BTBD16: variants seen among roughly 807,000 people sequenced by gnomAD.
BTBD16 encodes BTB/POZ domain-containing protein 16.
A neutral mutation model predicts 67.4 loss-of-function variants in BTBD16; 66 were observed. The ratio of observed to expected loss-of-function variants is 0.98; its 90% CI spans 0.80 to 1.20. The LOEUF (loss-of-function observed/expected upper bound fraction) is 1.20, where lower values mean the gene tolerates loss of function less well. Among genes scored for constraint, BTBD16 ranks in the 50% most tolerant of loss-of-function variants. The pLI, the probability that BTBD16 is intolerant of heterozygous loss-of-function variation, is 0.00. For missense variants in BTBD16, 634 were observed against 616.0 expected (o/e 1.03, Z -0.31); for synonymous variants, 242 against 236.4 (o/e 1.02, Z -0.22).
intron 10 of BTBD16, among the ~76,000 whole-genome samples, chr10:122,324,418 G>A (rs756093680): frequency 5.3e-5 from 8 of 152,230 alleles, no homozygotes; most frequent in Non-Finnish European, 7.3e-5. Context: ...CTATGATGCT[G>A]TGTCCCCAGG....
chr10:122,275,157 C>A lies in BTBD16; in HGVS notation c.18+58C>A. 1.9e-6 allele frequency: 3 copies of A among 1,544,900 alleles called. No homozygotes were observed. In the South Asian group the frequency reaches 3.4e-5, roughly 17 times the overall value. ...ATGAGAAGAAGCATTTGCTTATGGT[C>A]ATTTTGACAAATTTCCACAAGGGGC... On this transcript the variant is annotated intron_variant, in intron 2 of 15. Transcript: ENST00000260723.
chr10:122,294,931 A>G (rs1453031050), intron 7 of BTBD16, among the ~76,000 whole-genome samples: 1 of 152,226 alleles, frequency 6.6e-6, no homozygotes, highest in Non-Finnish European at 1.5e-5. Context: ...AAAAGCTGGC[A>G]CCTAAAGGCT....
chr10:122,301,805 C>G (rs765833782), intron 9 of BTBD16, among the ~76,000 whole-genome samples: 2 of 152,182 alleles, frequency 1.3e-5, no homozygotes, highest in Admixed American at 1.3e-4. Flanking sequence ...CACCACCCCA[C>G]GTGGTGGTCA....
At chr10:122,307,681 G>A (rs1483811329) in intron 10 of BTBD16, among the ~76,000 whole-genome samples, 1 of 152,046 alleles carries the variant, frequency 6.6e-6, no homozygotes, top group East Asian at 1.9e-4. Flanking sequence ...TTTTTCTGTG[G>A]AAGTAACTGG....
chr10:122,328,713 C>A (rs1333868324), intron 10 of BTBD16: 1 of 971,718 alleles, frequency 1.0e-6, no homozygotes, highest in East Asian at 1.1e-4. Flanking sequence ...AGATTGTTCC[C>A]CATTGTCCCC....
At chr10:122,275,153 T>C (rs946500906) in intron 2 of BTBD16, 54 bp downstream of exon 2, 3 of 1,569,380 alleles carry the variant, frequency 1.9e-6, no homozygotes, top group South Asian at 2.2e-5. Flanking sequence ...CATTTGCTTA[T>C]GGTCATTTTG....
chr10:122,277,579 G>T (rs1353768441), intron 3 of BTBD16, among the ~76,000 whole-genome samples: 1 of 152,136 alleles, frequency 6.6e-6, no homozygotes, highest in Non-Finnish European at 1.5e-5. Flanking sequence ...CAGTCTGCTT[G>T]TACTCATGGT....
At chr10:122,294,656 G>A (rs1174593741) in intron 7 of BTBD16, among the ~76,000 whole-genome samples, 1 of 152,212 alleles carries the variant, frequency 6.6e-6, no homozygotes, top group Non-Finnish European at 1.5e-5. Context: ...CTCCATGCAG[G>A]GCTGAACTTC....
At chr10:122,314,616 G>T (rs1052811945) in intron 10 of BTBD16, among the ~76,000 whole-genome samples, 17 of 152,258 alleles carry the variant, frequency 1.1e-4, no homozygotes, top group Admixed American at 9.8e-4. Flanking sequence ...AATGTTTGCT[G>T]ACTCTATTGT....
At chr10:122,297,084 T>G (rs533386997) in intron 7 of BTBD16, among the ~76,000 whole-genome samples, 1 of 152,374 alleles carries the variant, frequency 6.6e-6, no homozygotes, top group South Asian at 2.1e-4. Context: ...GGCTGAAGTC[T>G]CCATCATCTG....
chr10:122,298,668 T>A (rs2096388073), intron 8 of BTBD16, among the ~76,000 whole-genome samples: 1 of 152,128 alleles, frequency 6.6e-6, no homozygotes, highest in South Asian at 2.1e-4. Flanking sequence ...TCAGGTTGCC[T>A]GGGTTTGCAT....
chr10:122,298,986 G>A lies in BTBD16; in HGVS notation c.661-18G>A. On this transcript the variant is annotated intron_variant, in intron 8 of 15. Transcript: ENST00000260723. ...GAGCTCAGGACTTCCTTCATCAACT[G>A]GCTTTTTTTTGTCTTAGTACAAGGA... 1 of 1,612,654 alleles carries A rather than the reference G, an allele frequency of 6.2e-7. No individual in the cohort carries two copies. The highest frequency in any genetic ancestry group is 8.5e-7 in the Non-Finnish European group (1 of 1,179,752).
At chr10:122,311,923 C>A (rs571650089) in intron 10 of BTBD16, among the ~76,000 whole-genome samples, 88 of 152,350 alleles carry the variant, frequency 5.8e-4, no homozygotes, top group African/African-American at 2.0e-3. Flanking sequence ...TTCTTTCACA[C>A]AATAATGTAT....
chr10:122,328,571 C>A (rs1244830557), intron 10 of BTBD16, among the ~76,000 whole-genome samples: 1 of 152,214 alleles, frequency 6.6e-6, no homozygotes, highest in Non-Finnish European at 1.5e-5. Flanking sequence ...GTGGTGCCCT[C>A]TGTCCAGCTG....
At position 122,329,574 on chromosome 10, in the gene BTBD16, A is replaced by G. The variant is rs773061187; in HGVS notation, c.1003+3A>G. ...GCGTCTGCACGGCATCACCAAAGGTAAGCCCCAGTCCAGGCGAGCGCATCC... is the reference window on the plus strand; with the variant it reads ...GCGTCTGCACGGCATCACCAAAGGTGAGCCCCAGTCCAGGCGAGCGCATCC... On this transcript the variant is annotated splice_donor_region_variant and intron_variant, in intron 11 of 15. Transcript: ENST00000260723. 2 of 1,613,208 alleles carry G rather than the reference A, an allele frequency of 1.2e-6. No individual in the cohort carries two copies. The highest frequency in any genetic ancestry group is 4.5e-5 in the East Asian group (2 of 44,888).
At chr10:122,275,735 C>T (rs761484324) in intron 2 of BTBD16, among the ~76,000 whole-genome samples, 1 of 152,168 alleles carries the variant, frequency 6.6e-6, no homozygotes, top group Non-Finnish European at 1.5e-5. Context: ...TGCTAGGTTG[C>T]TTTGAGCCTT....
intron 10 of BTBD16, among the ~76,000 whole-genome samples, chr10:122,326,563 G>T (rs1339076763): frequency 6.6e-6 from 1 of 152,160 alleles, no homozygotes; most frequent in Non-Finnish European, 1.5e-5. Flanking sequence ...AGGGTGGAAG[G>T]CTCCAGCAGA....
intron 1 of BTBD16, among the ~76,000 whole-genome samples, chr10:122,272,013 G>A (rs775726203): frequency 2.0e-5 from 3 of 152,104 alleles, no homozygotes; most frequent in Admixed American, 6.5e-5. Flanking sequence ...TTAAGGCCAC[G>A]TTGAGGATTT....
chr10:122,290,858 TCAG>T (rs1177243329), intron 6 of BTBD16, among the ~76,000 whole-genome samples: 1 of 152,202 alleles, frequency 6.6e-6, no homozygotes, highest in Non-Finnish European at 1.5e-5. Context: ...GAGGATCCTT[TCAG>T]CAGAAGCTCA....
Sources: allele counts gnomAD v4.1 joint callset (sites outside exome capture counted in the v4.1 genomes callset), GRCh38; gene constraint gnomAD v4.1.1; transcripts MANE v1.5; gene names NCBI Gene and HGNC (gene_info 2026-07-23, HGNC 2026-07-21).